The following EFTUD2 variants were observed in gnomAD, a reference collection of about 807,000 sequenced individuals.
EFTUD2 encodes elongation factor Tu GTP binding domain containing 2, also known as 116 kDa U5 small nuclear ribonucleoprotein component.
A neutral mutation model predicts 114.3 loss-of-function variants in EFTUD2; 9 were observed. The ratio of observed to expected loss-of-function variants is 0.08; its 90% CI spans 0.05 to 0.14. EFTUD2 has a LOEUF of 0.14. EFTUD2 is among the 10% of genes least tolerant of loss of function. EFTUD2 has a pLI of 1.00. For synonymous variants in EFTUD2, 449 were observed against 462.3 expected (o/e 0.97, Z 0.37); for missense variants, 765 against 1,241.2 (o/e 0.62, Z 5.76).
chr17:44,880,248 T>G (rs1402453650), intron 8 of EFTUD2, among the ~76,000 whole-genome samples: 2 of 152,242 alleles, frequency 1.3e-5, no homozygotes, highest in Non-Finnish European at 2.9e-5. Context: ...GGACTGGCTC[T>G]GACTCACCTT....
intron 11 of EFTUD2, among the ~76,000 whole-genome samples, chr17:44,868,822 C>T (rs1211471488): frequency 2.0e-5 from 3 of 152,176 alleles, no homozygotes; most frequent in Admixed American, 2.0e-4. Flanking sequence ...TAGCCCTAGG[C>T]CTCAGGTAAG....
At chr17:44,887,856 C>G (rs2051202177) in intron 2 of EFTUD2, among the ~76,000 whole-genome samples, 1 of 152,190 alleles carries the variant, frequency 6.6e-6, no homozygotes, top group South Asian at 2.1e-4. Context: ...AACCCATAGT[C>G]ATATGCAACA....
chr17:44,883,529 C>G, intron 5 of EFTUD2, 120 bp downstream of exon 5: 1 of 933,806 alleles, frequency 1.1e-6, no homozygotes, highest in Admixed American at 1.9e-5. Flanking sequence ...CATGCAGCAC[C>G]CCTAGTCAGG....
rs1284071633 is a variant in EFTUD2, at chr17:44,879,615, C to A, written c.643G>T (p.Val215Phe). The A allele has an allele frequency of 1.9e-6, 3 of 1,613,820 alleles. No individual in the cohort carries two copies. In the African/African-American group the frequency reaches 4.0e-5, roughly 22 times the overall value. ...TPGHVNFSDEVTAGLRISDGV... is the reference protein window; with the variant it reads ...TPGHVNFSDEFTAGLRISDGV... ...TCTGAGATGCGCAAGCCAGCTGTGA[C>A]CTCATCAGAGAAATTCACATGTCCT... Residue 215 changes from valine to phenylalanine, a missense_variant, in exon 9 of 28, where the codon GTC (valine) becomes TTC (phenylalanine). Physicochemically the swap from Val to Phe is conservative, Grantham distance 50. This residue lies in a region of EFTUD2 where 251 missense variants were observed against 357.7 expected (regional missense o/e 0.70). Transcript: ENST00000426333.
At chr17:44,883,596 G>A (rs1414840644) in intron 5 of EFTUD2, 53 bp downstream of exon 5, 3 of 1,538,934 alleles carry the variant, frequency 1.9e-6, no homozygotes, top group African/African-American at 2.7e-5. Context: ...GCTAAAACAT[G>A]AGCAGGTACA....
At chr17:44,865,288 CCAATAAACCAAG>C (rs1327266362) in intron 13 of EFTUD2, 33 of 516,758 alleles carry the variant, frequency 6.4e-5, no homozygotes, top group African/African-American at 2.7e-4. Context: ...CCCATCCCAG[CCAATAAACCAAG>C]CACTCAGATT....
At chr17:44,864,644 C>T (rs896274105) in intron 14 of EFTUD2, among the ~76,000 whole-genome samples, 22 of 152,194 alleles carry the variant, frequency 1.4e-4, no homozygotes, top group African/African-American at 5.3e-4. Context: ...CGGCTGCCCC[C>T]TGGAAAATAT....
chr17:44,883,416 G>C, intron 5 of EFTUD2: 1 of 607,550 alleles, frequency 1.6e-6, no homozygotes, highest in Non-Finnish European at 2.9e-6. Flanking sequence ...CCCATCTTCT[G>C]TCCAGATGTA....
chr17:44,863,583 G>T, intron 15 of EFTUD2, 72 bp downstream of exon 15: 1 of 1,561,970 alleles, frequency 6.4e-7, no homozygotes, highest in South Asian at 1.2e-5. Context: ...TTACTCCTGT[G>T]ACCAGAAATC....
chr17:44,890,396 TAA>T (rs111920175), intron 2 of EFTUD2, among the ~76,000 whole-genome samples: 1 of 147,866 alleles, frequency 6.8e-6, no homozygotes, highest in Non-Finnish European at 1.5e-5. Context: ...TCAATATAAT[TAA>T]AAAAAAAAAT....
intron 12 of EFTUD2, 96 bp downstream of exon 12, chr17:44,868,188 AAGT>A: frequency 5.2e-6 from 6 of 1,155,806 alleles, no homozygotes; most frequent in African/African-American, 1.6e-5. Context: ...AAAAAAAAAA[AAGT>A]AGGTATTTAA....
At chr17:44,860,373 G>A (rs1329792435) in intron 17 of EFTUD2, 59 bp downstream of exon 17, 5 of 1,185,724 alleles carry the variant, frequency 4.2e-6, no homozygotes, top group Non-Finnish European at 6.3e-6. Flanking sequence ...TTGTGCTCAT[G>A]TGTGTCCCTG....
intron 3 of EFTUD2, among the ~76,000 whole-genome samples, chr17:44,886,049 C>T (rs1392964605): frequency 6.6e-6 from 1 of 151,152 alleles, no homozygotes; most frequent in Admixed American, 6.6e-5. Context: ...CCAGCCAGGC[C>T]AACATGGTGA....
Position 44,872,681 on chromosome 17 carries a change from G to A in EFTUD2, c.870-111C>T. The A allele has an allele frequency of 2.2e-6, 3 of 1,384,210 alleles. No homozygotes were observed. In the South Asian group the frequency reaches 4.2e-5, roughly 20 times the overall value. 85.7% of individuals were successfully genotyped at this position (1,384,210 alleles called of 1,614,324 possible). ...CAGCCACTCTCCAGCCCTCGGAAGGGACTTGTGCAAGACACTCAGTTTTGC... is the reference window on the plus strand; with the variant it reads ...CAGCCACTCTCCAGCCCTCGGAAGGAACTTGTGCAAGACACTCAGTTTTGC... On this transcript the variant is annotated intron_variant, in intron 10 of 27. Transcript: ENST00000426333.
chr17:44,879,871 A>C (rs1321664294), intron 8 of EFTUD2, among the ~76,000 whole-genome samples: 32 of 152,110 alleles, frequency 2.1e-4, no homozygotes, highest in Non-Finnish European at 5.9e-5. Flanking sequence ...ACTCATGCCC[A>C]GGAGAGCATG....
intron 1 of EFTUD2, among the ~76,000 whole-genome samples, chr17:44,898,005 G>A (rs2051424813): frequency 6.6e-6 from 1 of 152,148 alleles, no homozygotes; most frequent in African/African-American, 2.4e-5. Context: ...ATATTTCTTG[G>A]ATTAGACTGA....
At chr17:44,861,034 T>C (rs1419771683) in intron 16 of EFTUD2, among the ~76,000 whole-genome samples, 1 of 152,162 alleles carries the variant, frequency 6.6e-6, no homozygotes, top group Non-Finnish European at 1.5e-5. Context: ...TGATGGGCAT[T>C]ATGAAAGAAA....
chr17:44,854,370 T>C lies in EFTUD2; in HGVS notation c.2260-14A>G. On this transcript the variant is annotated splice_polypyrimidine_tract_variant and intron_variant, in intron 22 of 27. Coordinates refer to ENST00000426333, the MANE Select transcript of EFTUD2 (RefSeq NM_004247.4). The surrounding 1 kb of genome is among the most constrained non-coding windows in gnomAD (Gnocchi z 4.3). ...AGCCTTGTCCACCTATAGAGAAACATGAGGCCTCCTTAGCAGTCGCCCTGG... is the reference window on the plus strand; with the variant it reads ...AGCCTTGTCCACCTATAGAGAAACACGAGGCCTCCTTAGCAGTCGCCCTGG... 1 of 1,612,302 alleles carries C rather than the reference T, an allele frequency of 6.2e-7. No individual in the cohort carries two copies. The highest frequency in any genetic ancestry group is 8.5e-7 in the Non-Finnish European group (1 of 1,179,256).
intron 26 of EFTUD2, 28 bp from the exon 27 acceptor site, chr17:44,851,845 C>G: frequency 1.3e-6 from 2 of 1,580,014 alleles, no homozygotes; most frequent in Non-Finnish European, 1.7e-6. Context: ...TTCAGATGGC[C>G]CAGGCAGAAT....
Sources: allele counts gnomAD v4.1 joint callset (sites outside exome capture counted in the v4.1 genomes callset), GRCh38; gene constraint gnomAD v4.1.1; regional missense constraint gnomAD v4.1.1; non-coding constraint Gnocchi (gnomAD v3.1); transcripts MANE v1.5; gene names NCBI Gene and HGNC (gene_info 2026-07-23, HGNC 2026-07-21).